The following FSTL4 variants were observed in gnomAD, a reference collection of about 807,000 sequenced individuals.
The protein encoded by FSTL4 is follistatin like 4, also known as follistatin-related protein 4.
Under a neutral mutation model 78.2 loss-of-function variants are expected in FSTL4, and 28 were observed. The ratio of observed to expected loss-of-function variants is 0.36; its 90% CI spans 0.27 to 0.49. FSTL4 has a LOEUF of 0.49. Ranked by LOEUF, FSTL4 falls within the 20% of genes least tolerant of loss-of-function variation. The pLI is 0.98. For synonymous variants in FSTL4, 422 were observed against 440.5 expected (o/e 0.96, Z 0.53); for missense variants, 922 against 1,084.9 (o/e 0.85, Z 2.11).
chr5:133,397,077 T>A (rs1346296455), intron 4 of FSTL4, among the ~76,000 whole-genome samples: 1 of 152,204 alleles, frequency 6.6e-6, no homozygotes, highest in African/African-American at 2.4e-5. Context: ...AATACAACGC[T>A]GGCTTGGTGA....
At chr5:133,769,846 T>C in the FSTL4 span, among the ~76,000 whole-genome samples, 1 of 152,138 alleles carries the variant, frequency 6.6e-6, no homozygotes, top group Admixed American at 6.5e-5. Flanking sequence ...CATCCCTCAA[T>C]CCCCTCCCAA....
intron 4 of FSTL4, among the ~76,000 whole-genome samples, chr5:133,341,392 C>T (rs1267470741): frequency 1.3e-5 from 2 of 152,094 alleles, no homozygotes; most frequent in South Asian, 2.1e-4. Flanking sequence ...TCCCACAGGA[C>T]GTGAGTTGGG....
intron 3 of FSTL4, among the ~76,000 whole-genome samples, chr5:133,431,104 T>C (rs1026421342): frequency 6.6e-6 from 1 of 152,194 alleles, no homozygotes; most frequent in Non-Finnish European, 1.5e-5. Context: ...TTTGCAAATA[T>C]AGGGCCCCCA....
the FSTL4 span, among the ~76,000 whole-genome samples, chr5:133,663,733 G>A: frequency 6.6e-6 from 1 of 152,254 alleles, no homozygotes; most frequent in Non-Finnish European, 1.5e-5. Flanking sequence ...AGCCAGAAGT[G>A]CTCCCCCATG....
In FSTL4 at chr5:133,197,565, G is replaced by C. The variant is rs1300951633; in HGVS notation, c.*1530C>G. 1 of 152,430 alleles carries C rather than the reference G, an allele frequency of 6.6e-6. No homozygotes were observed. Among genetic ancestry groups the C allele is most frequent in the Non-Finnish European group, 1.5e-5 (1 of 68,130 alleles). The allele number at this position is 152,430 out of a possible 1,614,324, so 9.4% of individuals were successfully genotyped here. Reference sequence around the variant, plus strand: ...GGCAGGAGTGAAAGGAGCTGTGTGTGTTGAGAGTGACACAGAGTCTAGGGT... The same window carrying C: ...GGCAGGAGTGAAAGGAGCTGTGTGTCTTGAGAGTGACACAGAGTCTAGGGT... On this transcript the variant is annotated 3_prime_UTR_variant, in exon 16 of 16. Coordinates refer to ENST00000265342, the MANE Select transcript of FSTL4 (RefSeq NM_015082.2).
the FSTL4 span, among the ~76,000 whole-genome samples, chr5:133,768,625 C>T: frequency 6.6e-6 from 1 of 152,168 alleles, no homozygotes; most frequent in Non-Finnish European, 1.5e-5. Flanking sequence ...GGCACATCTA[C>T]CAAGAGAGTT....
chr5:133,795,134 C>T, the FSTL4 span, among the ~76,000 whole-genome samples: 1 of 152,236 alleles, frequency 6.6e-6, no homozygotes. Flanking sequence ...TTTCTGCACA[C>T]ATCCTGTCCC....
intron 3 of FSTL4, among the ~76,000 whole-genome samples, chr5:133,454,685 C>A (rs1428660209): frequency 6.6e-6 from 1 of 152,162 alleles, no homozygotes; most frequent in Non-Finnish European, 1.5e-5. Context: ...CGATGGCTGC[C>A]CCGCTCTGTG....
At chr5:133,597,298 T>A (rs1418896339) in intron 2 of FSTL4, among the ~76,000 whole-genome samples, 5 of 151,992 alleles carry the variant, frequency 3.3e-5, no homozygotes, top group Non-Finnish European at 7.4e-5. Flanking sequence ...TTTACTTCCA[T>A]CCAAATGGGA....
rs560241420 is a variant in FSTL4, at chr5:133,577,986, C to T, written c.127-10767G>A. 4.6e-5 allele frequency among the ~76,000 whole-genome samples: 7 copies of T among 152,298 alleles called. 1 individual carries two copies. Among genetic ancestry groups the T allele is most frequent in the African/African-American group, 1.7e-4 (7 of 41,566 alleles). On this transcript the variant is annotated intron_variant, in intron 2 of 15. Transcript: ENST00000265342. ...ATAGCACAGCAAGCAAGCTCGATGT[C>T]CCCTCTATTGCCTATCTTACAATAA...
intron 6 of FSTL4, among the ~76,000 whole-genome samples, chr5:133,286,673 G>T (rs1222869853): frequency 1.3e-5 from 2 of 151,450 alleles, no homozygotes; most frequent in African/African-American, 4.9e-5. Flanking sequence ...AGGACTGCAG[G>T]CAGGGGACTT....
chr5:133,675,982 C>T, the FSTL4 span, among the ~76,000 whole-genome samples: 10 of 152,278 alleles, frequency 6.6e-5, no homozygotes, highest in East Asian at 1.9e-4. Context: ...CCCTTTGTGA[C>T]TCTGCCACCT....
chr5:133,689,311 TGA>T, the FSTL4 span, among the ~76,000 whole-genome samples: 4 of 152,194 alleles, frequency 2.6e-5, no homozygotes, highest in Non-Finnish European at 5.9e-5. Context: ...ACCCTACTTC[TGA>T]GGCAGGAGGT....
At chr5:133,224,431 T>C in intron 10 of FSTL4, 1 of 413,544 alleles carries the variant, frequency 2.4e-6, no homozygotes, top group Non-Finnish European at 4.3e-6. Context: ...GACCCTTTGA[T>C]TCTTAAGTGA....
chr5:133,359,233 A>T (rs1755015792), intron 4 of FSTL4, among the ~76,000 whole-genome samples: 1 of 152,202 alleles, frequency 6.6e-6, no homozygotes, highest in East Asian at 1.9e-4. Flanking sequence ...TCATTGTGAT[A>T]GTTTCCTTGG....
At chr5:133,727,225 G>A in the FSTL4 span, among the ~76,000 whole-genome samples, 1 of 152,134 alleles carries the variant, frequency 6.6e-6, no homozygotes, top group African/African-American at 2.4e-5. Flanking sequence ...ACAACAAAGG[G>A]CATTTTAATG....
intron 3 of FSTL4, among the ~76,000 whole-genome samples, chr5:133,452,903 G>C (rs1406092993): frequency 6.6e-6 from 1 of 152,258 alleles, no homozygotes; most frequent in African/African-American, 2.4e-5. Flanking sequence ...ACTCTGTGCA[G>C]TGTCCCATTT....
the FSTL4 span, among the ~76,000 whole-genome samples, chr5:133,828,251 T>C: frequency 6.6e-6 from 1 of 152,116 alleles, no homozygotes; most frequent in African/African-American, 2.4e-5. Flanking sequence ...AAAGAGCAAG[T>C]GCGCTCTTGA....
intron 4 of FSTL4, among the ~76,000 whole-genome samples, chr5:133,399,605 C>T (rs1756166118): frequency 6.6e-6 from 1 of 152,232 alleles, no homozygotes; most frequent in African/African-American, 2.4e-5. Flanking sequence ...ATCATACCAT[C>T]CTCAGTGGGG....
Sources: gnomAD v4.1 joint callset for allele counts (sites outside exome capture counted in the v4.1 genomes callset) on GRCh38, gnomAD v4.1.1 for gene constraint, MANE v1.5 for transcripts, NCBI Gene and HGNC (gene_info 2026-07-23, HGNC 2026-07-21) for gene names.